Variants in LIMCH1 observed in about 807,000 individuals in gnomAD.
LIMCH1 encodes LIM and calponin homology domains-containing protein 1.
Under a neutral mutation model 176.5 loss-of-function variants are expected in LIMCH1, and 113 were observed. The ratio of observed to expected loss-of-function variants is 0.64; its 90% CI spans 0.55 to 0.75. The LOEUF (loss-of-function observed/expected upper bound fraction) is 0.75, where lower values mean the gene tolerates loss of function less well. Among genes scored for constraint, LIMCH1 ranks in the 30% least tolerant of loss-of-function variants. The pLI is 0.00. For missense variants in LIMCH1, 1,674 were observed against 1,814.9 expected (o/e 0.92, Z 1.41); for synonymous variants, 619 against 645.9 (o/e 0.96, Z 0.63).
intron 1 of LIMCH1, among the ~76,000 whole-genome samples, chr4:41,485,157 T>G (rs2069294751): frequency 6.6e-6 from 1 of 152,216 alleles, no homozygotes; most frequent in African/African-American, 2.4e-5. Context: ...CCCATGTTTC[T>G]TATTTGGATG....
chr4:41,524,549 T>G lies in LIMCH1; in HGVS notation c.237+71T>G. On this transcript the variant is annotated intron_variant, in intron 3 of 26. Coordinates refer to the LIMCH1 transcript ENST00000313860. Reference sequence around the variant, plus strand: ...TAACCTAGGGGTCATGACAGCACCATTTATTACAGTTCTCTCCTGCAATAT... The same window carrying G: ...TAACCTAGGGGTCATGACAGCACCAGTTATTACAGTTCTCTCCTGCAATAT... 3 of 1,078,018 alleles carry G rather than the reference T, an allele frequency of 2.8e-6. No individual in the cohort carries two copies. In the South Asian group the frequency reaches 3.8e-5, roughly 13 times the overall value. 66.8% of individuals were successfully genotyped at this position (1,078,018 alleles called of 1,614,324 possible).
chr4:41,622,305 A>C (rs1448315826), intron 7 of LIMCH1, among the ~76,000 whole-genome samples: 1 of 152,130 alleles, frequency 6.6e-6, no homozygotes, highest in African/African-American at 2.4e-5. Flanking sequence ...CTATCTCCTC[A>C]CTAGGTACCA....
chr4:41,405,136 A>C (rs1337282759), intron 1 of LIMCH1, among the ~76,000 whole-genome samples: 1 of 152,162 alleles, frequency 6.6e-6, no homozygotes, highest in African/African-American at 2.4e-5. Context: ...CGTACTATCC[A>C]CATGTATTAT....
intron 1 of LIMCH1, among the ~76,000 whole-genome samples, chr4:41,472,732 T>C (rs1253343933): frequency 6.6e-6 from 1 of 152,160 alleles, no homozygotes; most frequent in Non-Finnish European, 1.5e-5. Flanking sequence ...ACCCATTGGA[T>C]AATTTTCCTG....
chr4:41,517,217 G>A (rs2075669571), intron 2 of LIMCH1, among the ~76,000 whole-genome samples: 1 of 152,032 alleles, frequency 6.6e-6, no homozygotes, highest in African/African-American at 2.4e-5. Flanking sequence ...TGTTTGAGAG[G>A]GTTTTTAGGG....
At chr4:41,409,703 G>A (rs1218657061) in intron 1 of LIMCH1, among the ~76,000 whole-genome samples, 6 of 152,126 alleles carry the variant, frequency 3.9e-5, no homozygotes, top group African/African-American at 1.2e-4. Context: ...CAGTAACACT[G>A]CACTCATCAT....
chr4:41,593,594 A>G (rs1249393643), intron 1 of LIMCH1, among the ~76,000 whole-genome samples: 1 of 152,174 alleles, frequency 6.6e-6, no homozygotes, highest in African/African-American at 2.4e-5. Context: ...TTTGGGAAAA[A>G]TCTCAAACAT....
intron 1 of LIMCH1, among the ~76,000 whole-genome samples, chr4:41,438,084 C>G: frequency 6.6e-6 from 1 of 151,616 alleles, no homozygotes; most frequent in Non-Finnish European, 1.5e-5. Context: ...AATCAGCTAC[C>G]TTTTTTTTTC....
chr4:41,687,850 C>A lies in LIMCH1; in HGVS notation c.4099C>A (p.Arg1367=). The change falls in exon 29 of 32, where the codon CGA becomes AGA. Residue 1367 remains arginine (R), a synonymous_variant. Transcript: ENST00000503057. ...TTTACCACATTACAGGAAAAGTCCC[C>A]GAGAGCACTTCCAGGCTGGGCCTTT... ...SPSERRKKSP[R]EHFQAGPFSP... 2 of 1,612,952 alleles carry A rather than the reference C, an allele frequency of 1.2e-6. No homozygotes were observed. Among genetic ancestry groups the A allele is most frequent in the East Asian group, 4.5e-5 (2 of 44,822 alleles).
chr4:41,409,256 G>A (rs1478980458), intron 1 of LIMCH1, among the ~76,000 whole-genome samples: 1 of 152,064 alleles, frequency 6.6e-6, no homozygotes. Context: ...CAGTCTGATT[G>A]TTTGGCTCAT....
intron 2 of LIMCH1, among the ~76,000 whole-genome samples, chr4:41,507,123 A>G (rs1230808281): frequency 6.6e-6 from 1 of 152,230 alleles, no homozygotes; most frequent in African/African-American, 2.4e-5. Flanking sequence ...GTACACATGA[A>G]CAGCCAAATG....
chr4:41,449,730 T>C (rs777496546), intron 1 of LIMCH1, among the ~76,000 whole-genome samples: 2 of 152,234 alleles, frequency 1.3e-5, no homozygotes, highest in Non-Finnish European at 2.9e-5. Flanking sequence ...TAAAGCTTAT[T>C]GATTGGGCAC....
At chr4:41,682,208 G>T in intron 25 of LIMCH1, 125 bp from the exon 26 acceptor site, 3 of 619,808 alleles carry the variant, frequency 4.8e-6, no homozygotes, top group East Asian at 3.3e-5. Context: ...AGTTAATTTG[G>T]ACAACTGTTC....
chr4:41,616,844 G>T (rs532699627), intron 5 of LIMCH1, among the ~76,000 whole-genome samples: 2 of 152,146 alleles, frequency 1.3e-5, no homozygotes, highest in East Asian at 3.9e-4. Context: ...GTATCCCAGG[G>T]TCACACAGCT....
chr4:41,432,789 T>C (rs1032942232), intron 1 of LIMCH1, among the ~76,000 whole-genome samples: 2 of 151,684 alleles, frequency 1.3e-5, no homozygotes, highest in East Asian at 3.8e-4. Context: ...ATTGTTAAAA[T>C]ACAGGACATA....
intron 1 of LIMCH1, among the ~76,000 whole-genome samples, chr4:41,549,548 A>G (rs2080089832): frequency 6.6e-6 from 1 of 152,180 alleles, no homozygotes; most frequent in African/African-American, 2.4e-5. Flanking sequence ...ACAATATAAT[A>G]GTACCCTCAC....
intron 1 of LIMCH1, among the ~76,000 whole-genome samples, chr4:41,404,651 C>T (rs927301294): frequency 2.6e-5 from 4 of 151,894 alleles, no homozygotes; most frequent in African/African-American, 9.7e-5. Flanking sequence ...TGGTGGTGGG[C>T]GCCTGTAATC....
At chr4:41,657,156 T>G (rs1562112196) in intron 18 of LIMCH1, among the ~76,000 whole-genome samples, 1 of 152,228 alleles carries the variant, frequency 6.6e-6, no homozygotes, top group African/African-American at 2.4e-5. Context: ...CATGCAACCT[T>G]TCTGTGCTCT....
intron 1 of LIMCH1, among the ~76,000 whole-genome samples, chr4:41,577,964 A>G (rs1181836249): frequency 6.6e-6 from 1 of 152,170 alleles, no homozygotes; most frequent in African/African-American, 2.4e-5. Flanking sequence ...GCATTCTTTC[A>G]TAAAAAGCTT....
Sources: gnomAD v4.1 joint callset for allele counts (sites outside exome capture counted in the v4.1 genomes callset) on GRCh38, gnomAD v4.1.1 for gene constraint, MANE v1.5 for transcripts, NCBI Gene and HGNC (gene_info 2026-07-23, HGNC 2026-07-21) for gene names.